Variants in BCAT1 observed in about 807,000 individuals in gnomAD.
BCAT1 encodes branched chain amino acid transaminase 1.
Under a neutral mutation model 52.4 loss-of-function variants are expected in BCAT1, and 48 were observed. That is an observed-to-expected ratio of 0.92 (90% CI 0.73 to 1.16). The LOEUF (loss-of-function observed/expected upper bound fraction) is 1.16, where lower values mean the gene tolerates loss of function less well. BCAT1 is among the 50% of genes most tolerant of loss of function. The pLI is 0.00. For synonymous variants in BCAT1, 167 were observed against 161.3 expected (o/e 1.04, Z -0.27); for missense variants, 451 against 457.1 (o/e 0.99, Z 0.12).
At chr12:24,863,153 G>A (rs60920145) in intron 5 of BCAT1, among the ~76,000 whole-genome samples, 3,887 of 152,210 alleles carry the variant, frequency 0.026, 140 homozygotes, top group African/African-American at 0.089. Context: ...GAACAGCTAA[G>A]AGAAAACTAA....
Position 24,831,221 on chromosome 12 carries a change from G to A in BCAT1, c.1045-1324C>T, listed in dbSNP as rs541011559. Among the ~76,000 whole-genome samples the A allele has an allele frequency of 3.0e-4, 45 of 152,104 alleles. 1 individual carries two copies. In the South Asian group the frequency reaches 9.1e-3, roughly 31 times the overall value. On this transcript the variant is annotated intron_variant, in intron 9 of 10. Transcript: ENST00000261192. Reference sequence around the variant, plus strand: ...ATATTTTCCCTTCCCCATGATTTTCGTAACTTACTTTATTGTAAGAATACA... The same window carrying A: ...ATATTTTCCCTTCCCCATGATTTTCATAACTTACTTTATTGTAAGAATACA...
intron 5 of BCAT1, among the ~76,000 whole-genome samples, chr12:24,861,955 T>C (rs988424287): frequency 6.6e-6 from 1 of 152,150 alleles, no homozygotes; most frequent in Non-Finnish European, 1.5e-5. Context: ...CTAAAAGACA[T>C]TCCCACCAGT....
At chr12:24,924,275 T>C (rs1423296106) in intron 1 of BCAT1, among the ~76,000 whole-genome samples, 1 of 152,194 alleles carries the variant, frequency 6.6e-6, no homozygotes, top group Non-Finnish European at 1.5e-5. Context: ...TACACAAGAA[T>C]GCTACTCAAT....
intron 10 of BCAT1, among the ~76,000 whole-genome samples, chr12:24,829,430 T>C (rs1940552699): frequency 6.6e-6 from 1 of 152,166 alleles, no homozygotes; most frequent in African/African-American, 2.4e-5. Context: ...TATCTCAGTG[T>C]TGGAATCACA....
At chr12:24,866,912 T>G (rs533898589) in intron 5 of BCAT1, among the ~76,000 whole-genome samples, 1 of 152,240 alleles carries the variant, frequency 6.6e-6, no homozygotes, top group African/African-American at 2.4e-5. Context: ...TGGGGTCCCC[T>G]TCCATACTGT....
chr12:24,875,006 C>A (rs375066021), intron 5 of BCAT1, among the ~76,000 whole-genome samples: 42 of 137,978 alleles, frequency 3.0e-4, no homozygotes, highest in Middle Eastern at 4.0e-3. Flanking sequence ...AAGACAGGAC[C>A]AAAAAAAAAA....
chr12:24,898,172 A>G (rs912374797), intron 2 of BCAT1, among the ~76,000 whole-genome samples: 1 of 152,160 alleles, frequency 6.6e-6, no homozygotes, highest in Non-Finnish European at 1.5e-5. Context: ...TTTAAAAAGT[A>G]TTTTCTTTTT....
At chr12:24,897,254 T>G (rs1465159211) in intron 2 of BCAT1, among the ~76,000 whole-genome samples, 1 of 152,108 alleles carries the variant, frequency 6.6e-6, no homozygotes, top group Non-Finnish European at 1.5e-5. Flanking sequence ...TTCTGAGACC[T>G]CTCCTTAAAA....
rs1421979543 is a variant in BCAT1, at chr12:24,836,568, A to G, written c.846T>C (p.Asp282=). ...TTGTCACTCCTGGAAGAATGATGCC[A>G]TCTAGTGGAGGAGTTGCCAGTTCTT... ...GEEELATPPL[D]GIILPGVTRR... is the part of the protein sequence containing the mutation. The change falls in exon 8 of 11, where the codon GAT becomes GAC. Residue 282 remains aspartate (D), a synonymous_variant. Coordinates refer to ENST00000261192, the MANE Select transcript of BCAT1 (RefSeq NM_005504.7). The G allele has an allele frequency of 1.9e-6, 3 of 1,612,958 alleles. No individual in the cohort carries two copies. The highest frequency in any genetic ancestry group is 3.3e-5 in the Admixed American group (2 of 59,898).
intron 2 of BCAT1, 127 bp downstream of exon 2, chr12:24,901,685 TAA>T (rs1291526253): frequency 4.2e-6 from 4 of 960,396 alleles, no homozygotes; most frequent in Admixed American, 2.8e-5. Context: ...AGTGGAATTT[TAA>T]AAGTCTGGCA....
chr12:24,831,972 T>A (rs1940685578), intron 9 of BCAT1, among the ~76,000 whole-genome samples: 1 of 152,250 alleles, frequency 6.6e-6, no homozygotes, highest in Non-Finnish European at 1.5e-5. Flanking sequence ...AAGATTTTAG[T>A]AAATGCACCA....
chr12:24,932,457 G>A (rs760119792), intron 1 of BCAT1, among the ~76,000 whole-genome samples: 28 of 152,114 alleles, frequency 1.8e-4, no homozygotes, highest in Admixed American at 3.9e-4. Flanking sequence ...GTATAAATTT[G>A]TACCAGCTTT....
In BCAT1 at chr12:24,832,615, CT is replaced by C. The variant is rs375362360; in HGVS notation, c.1044+107del. 5.6e-5 allele frequency: 73 copies of C among 1,304,726 alleles called. No homozygotes were observed. The African/African-American group carries it at 1.0e-3, about 18-fold the overall frequency. 80.8% of individuals were successfully genotyped at this position (1,304,726 alleles called of 1,614,324 possible). ...AAGAAAAACAACAACAACGACAAAA[CT>C]TTTGCATCTTGGGTCTGGGTCCAGA... On this transcript the variant is annotated intron_variant, in intron 9 of 10. Coordinates refer to ENST00000261192, the MANE Select transcript of BCAT1 (RefSeq NM_005504.7).
intron 7 of BCAT1, 97 bp from the exon 8 acceptor site, chr12:24,836,693 T>C (rs1046315810): frequency 5.5e-6 from 6 of 1,085,780 alleles, no homozygotes; most frequent in Non-Finnish European, 8.2e-6. Flanking sequence ...ACAATTTTGC[T>C]AGCAACAAAC....
At chr12:24,904,709 C>CA (rs1239695467) in intron 1 of BCAT1, 29 of 152,190 alleles carry the variant, frequency 1.9e-4, no homozygotes, top group African/African-American at 7.0e-4. Context: ...ACTTGCTACT[C>CA]AAAAATCTGT....
intron 3 of BCAT1, 121 bp downstream of exon 3, chr12:24,894,154 G>A (rs1410815379): frequency 1.3e-5 from 11 of 865,598 alleles, no homozygotes; most frequent in Middle Eastern, 3.2e-4. Flanking sequence ...AGACATTTTC[G>A]GCTTCCTCTG....
intron 10 of BCAT1, among the ~76,000 whole-genome samples, chr12:24,823,658 G>A (rs1253878756): frequency 6.6e-6 from 1 of 152,048 alleles, no homozygotes; most frequent in Non-Finnish European, 1.5e-5. Flanking sequence ...AAGGAGATCT[G>A]TTTGTTTTAA....
rs146092676 is a variant in BCAT1 at position 24,880,805 on chromosome 12, T to C, written c.390+496A>G. The stretch of plus-strand genomic sequence containing the variant: ...ACACTGATTTTAAAAAATTGTGGAA[T>C]TGCCAAATGATATTATTTTCTTGGG... On this transcript the variant is annotated intron_variant, in intron 4 of 10. Transcript: ENST00000261192. 4.1e-3 allele frequency among the ~76,000 whole-genome samples: 616 copies of C among 151,504 alleles called. 2 individuals carry two copies. Among genetic ancestry groups the C allele is most frequent in the Non-Finnish European group, 6.6e-3 (450 of 67,950 alleles).
intron 4 of BCAT1, among the ~76,000 whole-genome samples, chr12:24,879,600 G>A (rs1942436656): frequency 6.6e-6 from 1 of 152,098 alleles, no homozygotes; most frequent in Admixed American, 6.6e-5. Context: ...ATAGAAATTG[G>A]GACTGCCAAT....
Sources: gnomAD v4.1 joint callset for allele counts (sites outside exome capture counted in the v4.1 genomes callset) on GRCh38, gnomAD v4.1.1 for gene constraint, MANE v1.5 for transcripts, NCBI Gene and HGNC (gene_info 2026-07-23, HGNC 2026-07-21) for gene names.